GLDC: variants seen among roughly 807,000 people sequenced by gnomAD.
GLDC encodes the protein glycine dehydrogenase (decarboxylating), mitochondrial.
In GLDC, 104 loss-of-function variants were observed where a neutral mutation model predicts 121.3. The observed-to-expected ratio is 0.86, with a 90% CI of 0.73 to 1.01. GLDC has a LOEUF of 1.01. Ranked by LOEUF, GLDC falls within the 50% of genes least tolerant of loss-of-function variation. GLDC has a pLI of 0.00. For synonymous variants in GLDC, 546 were observed against 480.6 expected (o/e 1.14, Z -1.78); for missense variants, 1,429 against 1,306.6 (o/e 1.09, Z -1.44).
chr9:6,627,914 G>T (rs777793644), intron 2 of GLDC, among the ~76,000 whole-genome samples: 7 of 152,194 alleles, frequency 4.6e-5, no homozygotes, highest in Non-Finnish European at 8.8e-5. Flanking sequence ...ACTTTGGCCA[G>T]ATCTGCAGGA....
chr9:6,571,101 C>T (rs1817957269), intron 15 of GLDC, among the ~76,000 whole-genome samples: 2 of 151,766 alleles, frequency 1.3e-5, no homozygotes, highest in Admixed American at 6.6e-5. Context: ...TAATGATTTT[C>T]TTATAGACAC....
chr9:6,590,239 C>A (rs1274440401), intron 11 of GLDC, among the ~76,000 whole-genome samples: 3 of 148,118 alleles, frequency 2.0e-5, no homozygotes, highest in South Asian at 2.1e-4. Flanking sequence ...GACTGACTAC[C>A]CACAGAATGG....
chr9:6,632,980 T>TC (rs1041373263), intron 2 of GLDC, among the ~76,000 whole-genome samples: 1 of 151,928 alleles, frequency 6.6e-6, no homozygotes, highest in Non-Finnish European at 1.5e-5. Context: ...CAGCAGACCC[T>TC]CCCTGCAGAC....
intron 8 of GLDC, among the ~76,000 whole-genome samples, chr9:6,595,511 C>G (rs11999044): frequency 6.6e-6 from 1 of 152,120 alleles, no homozygotes; most frequent in Non-Finnish European, 1.5e-5. Context: ...TACACTCAAC[C>G]AGGCAATTCT....
chr9:6,550,929 A>C lies in GLDC; in HGVS notation c.2458-15T>G. The stretch of plus-strand genomic sequence containing the variant: ...CCTCCCATCATCTGCAACAAAGGGA[A>C]AAAGAGCCATTAGCCATTGAACAGG... On this transcript the variant is annotated splice_polypyrimidine_tract_variant and intron_variant, in intron 20 of 24. Coordinates refer to ENST00000321612, the MANE Select transcript of GLDC (RefSeq NM_000170.3). The C allele has an allele frequency of 2.0e-6, 3 of 1,525,180 alleles. No homozygotes were observed. In the South Asian group the frequency reaches 3.4e-5, roughly 17 times the overall value. The allele number at this position is 1,525,180 out of a possible 1,614,324, so 94.5% of individuals were successfully genotyped here. A position where few individuals can be genotyped will look rare whatever the true frequency, so the allele number is the denominator to read the frequency against.
intron 22 of GLDC, 59 bp downstream of exon 22, chr9:6,539,992 C>G (rs1034565545): frequency 1.6e-5 from 17 of 1,068,918 alleles, no homozygotes; most frequent in Non-Finnish European, 2.3e-5. Context: ...TCCATTTGTG[C>G]TTTAGGAAGT....
intron 24 of GLDC, among the ~76,000 whole-genome samples, chr9:6,533,872 A>AG (rs1306081881): frequency 6.6e-6 from 1 of 151,514 alleles, no homozygotes; most frequent in Non-Finnish European, 1.5e-5. Flanking sequence ...AAAAAAAAAA[A>AG]GTTAATTTCT....
At chr9:6,579,696 T>A (rs1367000257) in intron 15 of GLDC, among the ~76,000 whole-genome samples, 2 of 151,950 alleles carry the variant, frequency 1.3e-5, no homozygotes, top group Non-Finnish European at 2.9e-5. Flanking sequence ...TTGCAGAATG[T>A]CCTTTTTACT....
intron 2 of GLDC, among the ~76,000 whole-genome samples, chr9:6,624,083 G>A (rs1490198321): frequency 6.6e-6 from 1 of 152,208 alleles, no homozygotes; most frequent in Non-Finnish European, 1.5e-5. Context: ...TTACAATACA[G>A]TAAGATAATT....
At position 6,550,882 on chromosome 9, in the gene GLDC, C is replaced by A. The variant is rs145407593; in HGVS notation, c.2490G>T (p.Thr830=). 2.0e-4 allele frequency: 316 copies of A among 1,613,300 alleles called. No individual in the cohort carries two copies. In the African/African-American group the frequency reaches 4.0e-3, roughly 21 times the overall value. Residue 830 remains threonine, a synonymous_variant, in exon 21 of 25, where the codon ACG becomes ACT. Coordinates refer to ENST00000321612, the MANE Select transcript of GLDC (RefSeq NM_000170.3). ...MMGGKGLKQA[T]ETAILNANYM... ...AGTTGGCATTTAATATCGCAGTTTC[C>A]GTGGCTTGTTTAAGACCCTTGCCTC... is the stretch of plus-strand genomic sequence containing the variant.
At chr9:6,625,855 C>G (rs149309321) in intron 2 of GLDC, among the ~76,000 whole-genome samples, 1,959 of 150,650 alleles carry the variant, frequency 0.013, 74 homozygotes, top group Admixed American at 0.062. Context: ...GGATCTCACC[C>G]AAAGGAAGGG....
chr9:6,555,372 G>GACCAAA (rs1485429407), intron 18 of GLDC, among the ~76,000 whole-genome samples: 1 of 152,112 alleles, frequency 6.6e-6, no homozygotes, highest in Admixed American at 6.6e-5. Context: ...TTTTGATGGT[G>GACCAAA]ACCAAAGGTA....
chr9:6,605,983 C>G (rs530651903), intron 5 of GLDC: 3 of 159,080 alleles, frequency 1.9e-5, no homozygotes, highest in Admixed American at 1.8e-4. Context: ...AAAACCTGAT[C>G]AAAACAATAT....
intron 13 of GLDC, 87 bp downstream of exon 13, chr9:6,588,531 T>G: frequency 7.0e-7 from 1 of 1,438,138 alleles, no homozygotes; most frequent in Non-Finnish European, 9.8e-7. Context: ...GGCCACCCCT[T>G]TGTTGCTCTT....
At chr9:6,588,745 A>G (rs1382136836) in intron 12 of GLDC, 43 bp from the exon 13 acceptor site, 2 of 1,123,332 alleles carry the variant, frequency 1.8e-6, no homozygotes, top group Non-Finnish European at 2.7e-6. Flanking sequence ...AAAAGTAGAT[A>G]TGAGTCCATG....
At chr9:6,561,887 C>T (rs1038170806) in intron 16 of GLDC, among the ~76,000 whole-genome samples, 6 of 152,110 alleles carry the variant, frequency 3.9e-5, no homozygotes, top group Admixed American at 3.9e-4. Flanking sequence ...AATGTCTTAC[C>T]ACTGGTAAAA....
intron 15 of GLDC, among the ~76,000 whole-genome samples, chr9:6,583,729 T>A (rs1050765342): frequency 1.3e-5 from 2 of 152,158 alleles, no homozygotes; most frequent in African/African-American, 4.8e-5. Flanking sequence ...TTGATGAACC[T>A]TGAAGACATT....
chr9:6,613,078 C>A (rs748975962), intron 3 of GLDC, among the ~76,000 whole-genome samples: 1 of 152,142 alleles, frequency 6.6e-6, no homozygotes, highest in Non-Finnish European at 1.5e-5. Context: ...ATGATTAACA[C>A]TAAATTTTCT....
In GLDC at chr9:6,595,104, T is replaced by C. The variant is rs1448869197; in HGVS notation, c.1171A>G (p.Met391Val). The C allele has an allele frequency of 3.1e-6, 5 of 1,610,904 alleles. No homozygotes were observed. The highest frequency in any genetic ancestry group is 1.3e-5 in the African/African-American group (1 of 74,978). Residue 391 changes from methionine (M) to valine (V), a missense_variant, in exon 9 of 25, where the codon ATG (methionine) becomes GTG (valine). Transcript: ENST00000321612. ...TGGTAGATTGCAAACATGGCAGCCA[T>C]ATTCGCCAAGAGGGCCTAAAAGATA... is the stretch of plus-strand genomic sequence containing the variant. ...ICTAQALLANMAAMFAIYHGS... is the reference protein window; with the variant it reads ...ICTAQALLANVAAMFAIYHGS...
Sources: gnomAD v4.1 joint callset for allele counts (sites outside exome capture counted in the v4.1 genomes callset) on GRCh38, gnomAD v4.1.1 for gene constraint, MANE v1.5 for transcripts, NCBI Gene and HGNC (gene_info 2026-07-23, HGNC 2026-07-21) for gene names.